DAB1: variants seen among roughly 807,000 people sequenced by gnomAD.
DAB1 encodes DAB adaptor protein 1, also known as disabled homolog 1.
DAB1 carries 15 observed loss-of-function variants against 64.6 expected under a neutral mutation model. The observed-to-expected ratio is 0.23, with a 90% CI of 0.16 to 0.36. The LOEUF (loss-of-function observed/expected upper bound fraction) is 0.36, where lower values mean the gene tolerates loss of function less well. Among genes scored for constraint, DAB1 ranks in the 10% least tolerant of loss-of-function variants. The pLI is 1.00. For synonymous variants in DAB1, 235 were observed against 251.9 expected (o/e 0.93, Z 0.64); for missense variants, 596 against 706.7 (o/e 0.84, Z 1.78).
In DAB1 at chr1:57,449,579, A is replaced by T. The variant is rs558999639; in HGVS notation, n.626-158413T>A. Among the ~76,000 whole-genome samples the T allele has an allele frequency of 2.6e-5, 4 of 152,034 alleles. No homozygotes were observed. The East Asian group carries it at 5.8e-4, about 22-fold the overall frequency. On this transcript the variant is annotated intron_variant and non_coding_transcript_variant, in intron 7 of 20. Coordinates refer to the DAB1 transcript ENST00000485760. ...TTTTTTGTAGAGATGGGGTCTTGTT[A>T]TGTTGCCCAGGCTGGTCTCAAACTC...
intron 2 of DAB1, among the ~76,000 whole-genome samples, chr1:57,224,764 T>TA (rs1459103192): frequency 6.6e-6 from 1 of 152,234 alleles, no homozygotes; most frequent in Non-Finnish European, 1.5e-5. Context: ...GTGTCTTTGT[T>TA]ACGCTAATGA....
intron 6 of DAB1, among the ~76,000 whole-genome samples, chr1:57,723,321 C>T (rs1647172842): frequency 6.6e-6 from 1 of 152,158 alleles, no homozygotes; most frequent in Non-Finnish European, 1.5e-5. Context: ...TCAGCTATTA[C>T]ATGTATTTTT....
At chr1:58,489,500 G>C (rs963903948) in intron 3 of DAB1, among the ~76,000 whole-genome samples, 23 of 152,186 alleles carry the variant, frequency 1.5e-4, no homozygotes, top group African/African-American at 5.1e-4. Context: ...TGCCTGTGTA[G>C]ACTCCACCTC....
At chr1:57,474,518 A>G (rs1643911131) in intron 7 of DAB1, among the ~76,000 whole-genome samples, 1 of 152,220 alleles carries the variant, frequency 6.6e-6, no homozygotes, top group African/African-American at 2.4e-5. Context: ...CATTTCCTGT[A>G]GTTTTTTTCC....
At chr1:58,049,044 A>C (rs754196875) in intron 5 of DAB1, 10 of 783,642 alleles carry the variant, frequency 1.3e-5, no homozygotes, top group Non-Finnish European at 2.3e-5. Flanking sequence ...TGTTTCCACA[A>C]CTCTTCCACC....
intron 4 of DAB1, among the ~76,000 whole-genome samples, chr1:57,118,423 A>T (rs1656337713): frequency 6.6e-6 from 1 of 152,238 alleles, no homozygotes; most frequent in African/African-American, 2.4e-5. Context: ...TTAAGGTGAA[A>T]GATTCCACCA....
intron 6 of DAB1, among the ~76,000 whole-genome samples, chr1:57,773,485 T>C (rs1649656456): frequency 6.6e-6 from 1 of 152,046 alleles, no homozygotes; most frequent in Admixed American, 6.6e-5. Flanking sequence ...AAGGTCTTTA[T>C]TTCAAGAACA....
At chr1:57,133,079 C>T (rs988272385) in intron 4 of DAB1, among the ~76,000 whole-genome samples, 10 of 152,092 alleles carry the variant, frequency 6.6e-5, no homozygotes, top group African/African-American at 1.9e-4. Flanking sequence ...GCATTTACTT[C>T]ATAGAATTGC....
intron 4 of DAB1, among the ~76,000 whole-genome samples, chr1:58,331,402 C>T (rs1662964571): frequency 6.6e-6 from 1 of 152,154 alleles, no homozygotes; most frequent in Non-Finnish European, 1.5e-5. Context: ...TAGAGTAGTA[C>T]ACAAATTTAG....
At chr1:57,575,132 G>C (rs768065385) in intron 7 of DAB1, among the ~76,000 whole-genome samples, 7 of 152,150 alleles carry the variant, frequency 4.6e-5, no homozygotes, top group Non-Finnish European at 8.8e-5. Flanking sequence ...GGAACTGAGT[G>C]GCTTTCAGCG....
chr1:57,109,236 C>G (rs1202388610), intron 4 of DAB1, among the ~76,000 whole-genome samples: 1 of 152,214 alleles, frequency 6.6e-6, no homozygotes, highest in African/African-American at 2.4e-5. Flanking sequence ...CAACTCACCT[C>G]TGAACCCTGA....
At chr1:57,401,836 A>G (rs1333220496) in intron 1 of DAB1, among the ~76,000 whole-genome samples, 1 of 152,174 alleles carries the variant, frequency 6.6e-6, no homozygotes, top group Non-Finnish European at 1.5e-5. Context: ...AGGTAACTCA[A>G]TTCAGCATAG....
chr1:58,452,079 C>A lies in DAB1; in HGVS notation n.257+53981G>T, dbSNP rs187984254. ...TCCTGAGTGGCTGGGATTACAGGTG[C>A]GAGCCAACACGTCAGGCCAATTTTT... On this transcript the variant is annotated intron_variant and non_coding_transcript_variant, in intron 3 of 20. Coordinates refer to the DAB1 transcript ENST00000485760. Among the ~76,000 whole-genome samples the A allele has an allele frequency of 1.3e-3, 195 of 151,942 alleles. 2 individuals carry two copies. In the Middle Eastern group the frequency reaches 0.027, roughly 21 times the overall value.
chr1:58,169,513 T>C (rs532024977), intron 4 of DAB1, among the ~76,000 whole-genome samples: 21 of 152,124 alleles, frequency 1.4e-4, no homozygotes, highest in Non-Finnish European at 3.1e-4. Context: ...TTATTCTCTC[T>C]CTGATGGGGA....
intron 3 of DAB1, among the ~76,000 whole-genome samples, chr1:58,430,950 A>C (rs186021478): frequency 1.8e-3 from 281 of 152,316 alleles, no homozygotes; most frequent in African/African-American, 6.4e-3. Flanking sequence ...GTGAACGCAG[A>C]TGCCATTAGC....
chr1:58,063,522 G>A (rs1209272960), intron 5 of DAB1, among the ~76,000 whole-genome samples: 2 of 152,144 alleles, frequency 1.3e-5, no homozygotes, highest in Non-Finnish European at 2.9e-5. Flanking sequence ...TTAAGCTCAT[G>A]GAGTAGAAAG....
intron 1 of DAB1, among the ~76,000 whole-genome samples, chr1:57,412,601 T>C (rs1684195685): frequency 1.3e-5 from 2 of 152,224 alleles, no homozygotes; most frequent in African/African-American, 4.8e-5. Context: ...ATGGAAAGAA[T>C]TTTAGTGGTG....
At chr1:57,730,535 G>C (rs1391646281) in intron 6 of DAB1, among the ~76,000 whole-genome samples, 1 of 148,100 alleles carries the variant, frequency 6.8e-6, no homozygotes, top group African/African-American at 2.6e-5. Flanking sequence ...GGGCCTGAAG[G>C]GGGAGTTTTG....
chr1:57,116,715 GA>G (rs1363966154), intron 4 of DAB1, among the ~76,000 whole-genome samples: 4 of 151,948 alleles, frequency 2.6e-5, no homozygotes, highest in Non-Finnish European at 5.9e-5. Context: ...CAAGATGGTG[GA>G]AAAAAAGAAG....
Sources: gnomAD v4.1 joint callset for allele counts (sites outside exome capture counted in the v4.1 genomes callset) on GRCh38, gnomAD v4.1.1 for gene constraint, MANE v1.5 for transcripts, NCBI Gene and HGNC (gene_info 2026-07-23, HGNC 2026-07-21) for gene names.